Variants in CEP164 observed in about 807,000 individuals in gnomAD.
CEP164 encodes the protein centrosomal protein 164.
CEP164 carries 162 observed loss-of-function variants against 182.7 expected under a neutral mutation model. The observed-to-expected ratio is 0.89, with a 90% CI of 0.78 to 1.01. CEP164 has a LOEUF of 1.01. Among genes scored for constraint, CEP164 ranks in the 50% least tolerant of loss-of-function variants. The pLI is 0.00. For missense variants in CEP164, 1,735 were observed against 1,790.4 expected, an observed-to-expected ratio of 0.97 and a Z score of 0.56; for synonymous variants, 661 against 690.0, an observed-to-expected ratio of 0.96 and a Z score of 0.66.
intron 5 of CEP164, among the ~76,000 whole-genome samples, chr11:117,353,965 G>T (rs898587619): frequency 6.6e-6 from 1 of 151,586 alleles, no homozygotes; most frequent in Admixed American, 6.6e-5. Context: ...AAAAATTTCC[G>T]GGTGTCCTTG....
chr11:117,363,632 A>G, intron 8 of CEP164, 126 bp downstream of exon 8: 2 of 632,972 alleles, frequency 3.2e-6, no homozygotes, highest in Non-Finnish European at 2.7e-6. Flanking sequence ...GTCCTTCCAG[A>G]TGAGATTTCT....
intron 8 of CEP164, among the ~76,000 whole-genome samples, chr11:117,368,837 G>A (rs2041919202): frequency 6.6e-6 from 1 of 152,242 alleles, no homozygotes; most frequent in Non-Finnish European, 1.5e-5. Flanking sequence ...GGTCCTGGCA[G>A]ATTTATTCCA....
rs1227101037 is a variant in CEP164, at chr11:117,394,089, G to A, written c.2617-261G>A. Among the ~76,000 whole-genome samples, 1 of 152,256 alleles carries A rather than the reference G, an allele frequency of 6.6e-6. No individual in the cohort carries two copies. The highest frequency in any genetic ancestry group is 2.4e-5 in the African/African-American group (1 of 41,468). On this transcript the variant is annotated intron_variant, in intron 20 of 32. Coordinates refer to ENST00000278935, the MANE Select transcript of CEP164 (RefSeq NM_014956.5). The surrounding 1 kb of genome is among the most constrained non-coding windows in gnomAD (Gnocchi z 4.0). The stretch of plus-strand genomic sequence containing the variant: ...TCCTTACAGAGGAAAAGTTGTATAT[G>A]GTGGAGCCATAGGGAGAGCCAGAAA...
intron 15 of CEP164, among the ~76,000 whole-genome samples, chr11:117,388,241 C>T (rs935028456): frequency 6.6e-6 from 1 of 152,214 alleles, no homozygotes; most frequent in African/African-American, 2.4e-5. Flanking sequence ...TTCCATCTCT[C>T]TCCCGAGGCC....
chr11:117,371,418 AAAG>A lies in CEP164; in HGVS notation c.1111_1113del (p.Lys371del), dbSNP rs1450827439. 3 of 1,613,914 alleles carry A rather than the reference AAAG, an allele frequency of 1.9e-6. No homozygotes were observed. The highest frequency in any genetic ancestry group is 1.3e-5 in the African/African-American group (1 of 74,930). On this transcript the variant is annotated inframe_deletion, in exon 9 of 33. Transcript: ENST00000278935. ...GGAGGGAAGAGGCAGCCAAGGAGCC[AAAG>A]AAGAAGGCTTCTGCTCTGGAAGAGG... is the stretch of plus-strand genomic sequence containing the variant.
At chr11:117,385,548 T>G (rs967224927) in intron 14 of CEP164, 8 of 152,232 alleles carry the variant, frequency 5.3e-5, no homozygotes, top group African/African-American at 1.7e-4. Flanking sequence ...GGGCTCCACA[T>G]AGCTTGCAGC....
chr11:117,342,422 G>A (rs1229791796), intron 3 of CEP164, among the ~76,000 whole-genome samples: 1 of 152,052 alleles, frequency 6.6e-6, no homozygotes, highest in African/African-American at 2.4e-5. Context: ...CATTTCTGGG[G>A]GTTCTGGTGA....
At chr11:117,353,695 C>A (rs1321115540) in intron 5 of CEP164, among the ~76,000 whole-genome samples, 1 of 152,156 alleles carries the variant, frequency 6.6e-6, no homozygotes, top group Non-Finnish European at 1.5e-5. Flanking sequence ...TGAGTTTGTC[C>A]AGGGGACAGC....
intron 7 of CEP164, 107 bp from the exon 8 acceptor site, chr11:117,363,322 G>T: frequency 1.4e-6 from 1 of 739,382 alleles, no homozygotes; most frequent in Non-Finnish European, 2.3e-6. Context: ...GCCCTGCCTG[G>T]GCCCGCCTGT....
chr11:117,406,963 G>A (rs1368583647), intron 27 of CEP164, among the ~76,000 whole-genome samples: 3 of 152,132 alleles, frequency 2.0e-5, no homozygotes, highest in Non-Finnish European at 4.4e-5. Context: ...GTGTGGTGGT[G>A]CACGCCTGTA....
rs773704687 is a variant in CEP164, at chr11:117,351,923, A to C, written c.328A>C (p.Lys110Gln). 11 of 1,612,828 alleles carry C rather than the reference A, an allele frequency of 6.8e-6. No homozygotes were observed. In the South Asian group the frequency reaches 1.2e-4, roughly 18 times the overall value. The change falls in exon 5 of 33, where the codon AAG becomes CAG. Residue 110 changes from lysine to glutamine, a missense_variant. Lys to Gln is a moderately conservative substitution (Grantham distance 53). Transcript: ENST00000278935. ...RAKLSTSGAI[K>Q]KKKKKKEKKD... Reference sequence around the variant, plus strand: ...AAAGCTGTCAACTTCTGGGGCCATTAAGAAGAAGAAAAAAAAAAAGGAAAA... The same window carrying C: ...AAAGCTGTCAACTTCTGGGGCCATTCAGAAGAAGAAAAAAAAAAAGGAAAA...
intron 4 of CEP164, among the ~76,000 whole-genome samples, chr11:117,348,320 C>G (rs983417723): frequency 8.5e-5 from 13 of 152,088 alleles, no homozygotes; most frequent in African/African-American, 3.1e-4. Context: ...AATCGTCAAT[C>G]CAAGGGCAAA....
intron 5 of CEP164, among the ~76,000 whole-genome samples, chr11:117,358,125 C>G (rs1289885929): frequency 6.6e-6 from 1 of 152,196 alleles, no homozygotes; most frequent in Non-Finnish European, 1.5e-5. Context: ...TACTGTAGCA[C>G]TATAAATATC....
rs758693012 is a variant in CEP164, at chr11:117,409,735, C to T, written c.3866C>T (p.Ser1289Leu). 5.3e-5 allele frequency: 85 copies of T among 1,613,968 alleles called. No individual in the cohort carries two copies. Among genetic ancestry groups the T allele is most frequent in the African/African-American group, 1.3e-4 (10 of 75,056 alleles). ...LSILDSLNPQ[S>L]PPPLLASMPA... is the part of the protein sequence containing the mutation. ...ATCCTGGACAGCCTCAACCCTCAGT[C>T]GCCGCCGCCGCTCCTCGCCTCCATG... The change falls in exon 30 of 33, where the codon TCG becomes TTG. Residue 1289 changes from serine (S) to leucine (L), a missense_variant. Transcript: ENST00000278935. This position sits in a 1 kb window ranked among gnomAD's most constrained non-coding sequence, Gnocchi z 4.4.
chr11:117,348,009 G>A (rs1332302467), intron 4 of CEP164, among the ~76,000 whole-genome samples: 3 of 151,814 alleles, frequency 2.0e-5, no homozygotes, highest in African/African-American at 7.3e-5. Flanking sequence ...TTGCTCTGTC[G>A]CCCAGGCTGG....
intron 19 of CEP164, 104 bp downstream of exon 19, chr11:117,392,731 G>A: frequency 6.8e-7 from 1 of 1,474,678 alleles, no homozygotes; most frequent in Non-Finnish European, 9.2e-7. Context: ...GCTTTGGATG[G>A]CTCAGCTGGG....
intron 4 of CEP164, 63 bp from the exon 5 acceptor site, chr11:117,351,727 T>TC: frequency 2.0e-6 from 3 of 1,469,716 alleles, no homozygotes; most frequent in Non-Finnish European, 2.8e-6. Context: ...TTTTTTCCCC[T>TC]CTTTTTTTTT....
At chr11:117,325,905 C>CTTT (rs887528293), upstream of CEP164, among the ~76,000 whole-genome samples, 37 of 130,034 alleles carry the variant, frequency 2.8e-4, no homozygotes, top group Non-Finnish European at 3.4e-4. Flanking sequence ...CAAGTAGGAC[C>CTTT]TTTTTTTTTT....
chr11:117,394,567 A>G lies in CEP164; in HGVS notation c.2760+74A>G. 6.4e-7 allele frequency: 1 copy of G among 1,555,580 alleles called. No individual in the cohort carries two copies. The highest frequency in any genetic ancestry group is 8.7e-7 in the Non-Finnish European group (1 of 1,145,646). ...GTAGGAAGGTGCTGGGAGCAGACGCATGGCCCCAGCAGGATGCAGCCTGAC... is the reference window on the plus strand; with the variant it reads ...GTAGGAAGGTGCTGGGAGCAGACGCGTGGCCCCAGCAGGATGCAGCCTGAC... On this transcript the variant is annotated intron_variant, in intron 21 of 32. Transcript: ENST00000278935. The surrounding 1 kb of genome is among the most constrained non-coding windows in gnomAD (Gnocchi z 4.0).
Sources: allele counts gnomAD v4.1 joint callset (sites outside exome capture counted in the v4.1 genomes callset), GRCh38; gene constraint gnomAD v4.1.1; non-coding constraint Gnocchi (gnomAD v3.1); transcripts MANE v1.5; gene names NCBI Gene and HGNC (gene_info 2026-07-23, HGNC 2026-07-21).